CLDN10: variants seen among roughly 807,000 people sequenced by gnomAD.
CLDN10 encodes claudin 10.
In CLDN10, 15 loss-of-function variants were observed where a neutral mutation model predicts 22.9. The ratio of observed to expected loss-of-function variants is 0.65; its 90% CI spans 0.44 to 1.01. The LOEUF (loss-of-function observed/expected upper bound fraction) is 1.01, where lower values mean the gene tolerates loss of function less well. CLDN10 is among the 50% of genes least tolerant of loss of function. CLDN10 has a pLI of 0.00. For synonymous variants in CLDN10, 114 were observed against 111.4 expected (o/e 1.02, Z -0.15); for missense variants, 247 against 287.8 (o/e 0.86, Z 1.03).
intron 4 of CLDN10, 35 bp from the exon 5 acceptor site, chr13:95,577,865 G>A: frequency 6.9e-7 from 1 of 1,439,502 alleles, no homozygotes. Context: ...CCTATGTGTA[G>A]AATAGAATCT....
intron 1 of CLDN10, among the ~76,000 whole-genome samples, chr13:95,512,429 G>T (rs2043114322): frequency 6.6e-6 from 1 of 152,094 alleles, no homozygotes; most frequent in Admixed American, 6.6e-5. Context: ...TTTGTTTTGG[G>T]TTTGTGTATC....
chr13:95,462,725 C>A (rs1164880310), intron 1 of CLDN10, among the ~76,000 whole-genome samples: 2 of 152,078 alleles, frequency 1.3e-5, no homozygotes, highest in Non-Finnish European at 2.9e-5. Flanking sequence ...AGCCAAGTTC[C>A]ACCTCATTCT....
intron 1 of CLDN10, among the ~76,000 whole-genome samples, chr13:95,511,804 G>GTATATCTTCTTTTTCTGACTGGTTTT: frequency 3.9e-4 from 1 of 2,566 alleles, no homozygotes; most frequent in Admixed American, 5.4e-3. Context: ...TTGTTTGTTT[G>GTATATCTTCTTTTTCTGACTGGTTTT]TGTTCTGTTT....
At chr13:95,540,494 G>T (rs377677152) in intron 1 of CLDN10, among the ~76,000 whole-genome samples, 1 of 151,730 alleles carries the variant, frequency 6.6e-6, no homozygotes, top group Admixed American at 6.6e-5. Context: ...GACAGACTCT[G>T]TCTCAAAAAA....
chr13:95,482,450 C>T (rs569346350), intron 1 of CLDN10, among the ~76,000 whole-genome samples: 2 of 152,196 alleles, frequency 1.3e-5, no homozygotes, highest in South Asian at 4.2e-4. Flanking sequence ...CAGAAAGGGT[C>T]TAGAGCCTCA....
intron 1 of CLDN10, among the ~76,000 whole-genome samples, chr13:95,500,236 A>G (rs1429085576): frequency 2.0e-5 from 3 of 152,222 alleles, no homozygotes; most frequent in Non-Finnish European, 4.4e-5. Context: ...CTAAACAGAT[A>G]AATAAACAAG....
chr13:95,470,060 C>A (rs2042615776), intron 1 of CLDN10, among the ~76,000 whole-genome samples: 1 of 152,160 alleles, frequency 6.6e-6, no homozygotes, highest in Non-Finnish European at 1.5e-5. Flanking sequence ...CCACTACATA[C>A]AATGTACTGG....
chr13:95,488,891 T>C (rs6492799), intron 1 of CLDN10, among the ~76,000 whole-genome samples: 81,944 of 151,074 alleles, frequency 0.54, 23,030 homozygotes, highest in African/African-American at 0.69. Context: ...ACTTCTTTTC[T>C]TCTGGGTAGA....
chr13:95,456,599 A>G (rs754323832), intron 1 of CLDN10, among the ~76,000 whole-genome samples: 1 of 150,112 alleles, frequency 6.7e-6, no homozygotes, highest in Non-Finnish European at 1.5e-5. Flanking sequence ...ACAAAAAATT[A>G]AAAAAAAAAT....
chr13:95,467,654 A>G (rs1275932284), intron 1 of CLDN10, among the ~76,000 whole-genome samples: 1 of 152,238 alleles, frequency 6.6e-6, no homozygotes, highest in Admixed American at 6.5e-5. Flanking sequence ...CCAGAGAAAC[A>G]GAATCAATAG....
chr13:95,507,127 T>A (rs115562215), intron 1 of CLDN10, among the ~76,000 whole-genome samples: 3 of 152,242 alleles, frequency 2.0e-5, no homozygotes, highest in African/African-American at 4.8e-5. Context: ...TTTGAAAACA[T>A]CCAAGTTTCT....
chr13:95,434,033 T>A lies in CLDN10; in HGVS notation c.200T>A (p.Ile67Asn), dbSNP rs557844998. ...TTCCATTGCCGACCGCATTTTACTA[T>A]CTTCAAAGTAGCAGGTAAATATAAT... The change falls in exon 1 of 5, where the codon ATC becomes AAC. Residue 67 changes from isoleucine to asparagine, a missense_variant. Transcript: ENST00000376873. 3 of 1,613,992 alleles carry A rather than the reference T, an allele frequency of 1.9e-6. 1 individual carries two copies. Among genetic ancestry groups the A allele is most frequent in the Admixed American group, 3.3e-5 (2 of 60,018 alleles).
rs189485558 is a variant in CLDN10, at chr13:95,469,449, G to A, written c.214+35402G>A. Among the ~76,000 whole-genome samples the A allele has an allele frequency of 9.8e-3, 1,499 of 152,234 alleles. 20 individuals carry two copies. The highest frequency in any genetic ancestry group is 0.034 in the African/African-American group (1,409 of 41,540). ...AGTTAAATTCACTCATGAAGCTTTT[G>A]TCTTTAGGAGGAAAATGTAAAGTTT... On this transcript the variant is annotated intron_variant, in intron 1 of 4. Coordinates refer to the CLDN10 transcript ENST00000376873.
At chr13:95,563,485 T>G (rs1566339961) in intron 3 of CLDN10, among the ~76,000 whole-genome samples, 2 of 152,124 alleles carry the variant, frequency 1.3e-5, no homozygotes, top group East Asian at 3.8e-4. Context: ...TGGTAATATT[T>G]ACAAATAACA....
intron 1 of CLDN10, among the ~76,000 whole-genome samples, chr13:95,464,370 C>A (rs968490015): frequency 6.6e-6 from 1 of 151,962 alleles, no homozygotes; most frequent in African/African-American, 2.4e-5. Flanking sequence ...TTTGTCCTTG[C>A]GATAGTTTGC....
At chr13:95,472,165 A>G (rs549285340) in intron 1 of CLDN10, among the ~76,000 whole-genome samples, 204 of 152,152 alleles carry the variant, frequency 1.3e-3, no homozygotes, top group Non-Finnish European at 2.2e-3. Context: ...GTAATCAAAA[A>G]CCACTATTTG....
At chr13:95,505,749 C>CTTTTTTTTTTTTTTTTTTTTTTTTTTTT (rs34828390) in intron 1 of CLDN10, among the ~76,000 whole-genome samples, 1 of 103,738 alleles carries the variant, frequency 9.6e-6, no homozygotes, top group Non-Finnish European at 1.9e-5. Context: ...CCTTCCCTTT[C>CTTTTTTTTTTTTTTTTTTTTTTTTTTTT]TTTTTTTTTT....
intron 1 of CLDN10, among the ~76,000 whole-genome samples, chr13:95,461,829 T>C (rs1351344354): frequency 2.0e-5 from 3 of 152,178 alleles, no homozygotes; most frequent in African/African-American, 7.2e-5. Flanking sequence ...CAGTGGCTCA[T>C]GCCTGTAATC....
intron 1 of CLDN10, among the ~76,000 whole-genome samples, chr13:95,472,891 C>T (rs1346480429): frequency 2.6e-5 from 4 of 151,066 alleles, no homozygotes; most frequent in South Asian, 2.1e-4. Flanking sequence ...CTGTAATCCC[C>T]GCACTTTGGG....
Sources: allele counts gnomAD v4.1 joint callset (sites outside exome capture counted in the v4.1 genomes callset), GRCh38; gene constraint gnomAD v4.1.1; transcripts MANE v1.5; gene names NCBI Gene and HGNC (gene_info 2026-07-23, HGNC 2026-07-21).